The following PCED1B variants were observed in gnomAD, a reference collection of about 807,000 sequenced individuals.
The protein encoded by PCED1B is PC-esterase domain containing 1B.
For missense variants in PCED1B, 573 were observed against 573.9 expected (o/e 1.00, Z 0.02); for synonymous variants, 251 against 246.1 (o/e 1.02, Z -0.19).
At chr12:47,160,025 T>G (rs1941317644) in intron 2 of PCED1B, among the ~76,000 whole-genome samples, 1 of 152,164 alleles carries the variant, frequency 6.6e-6, no homozygotes, top group Non-Finnish European at 1.5e-5. Flanking sequence ...TTTTGGCACC[T>G]TTGTCAAAAA....
At chr12:47,108,863 T>C (rs1939072571) in intron 2 of PCED1B, among the ~76,000 whole-genome samples, 3 of 152,210 alleles carry the variant, frequency 2.0e-5, no homozygotes, top group East Asian at 1.9e-4. Context: ...GTCTGGGCAA[T>C]ATAGTGAGAC....
intron 2 of PCED1B, among the ~76,000 whole-genome samples, chr12:47,150,564 T>G (rs1940952583): frequency 6.7e-6 from 1 of 148,352 alleles, no homozygotes; most frequent in African/African-American, 2.5e-5. Flanking sequence ...GGCAACAGAG[T>G]GAGACTCCAT....
intron 1 of PCED1B, among the ~76,000 whole-genome samples, chr12:47,096,146 C>T (rs755962399): frequency 6.6e-6 from 1 of 152,090 alleles, no homozygotes; most frequent in Non-Finnish European, 1.5e-5. Context: ...TACGTCTGTG[C>T]TTCAGTGTTC....
chr12:47,135,155 T>C (rs1318251559), intron 2 of PCED1B, among the ~76,000 whole-genome samples: 1 of 152,240 alleles, frequency 6.6e-6, no homozygotes, highest in East Asian at 1.9e-4. Context: ...TTGGTGTCCA[T>C]GTCCATAGAT....
chr12:47,183,188 C>T (rs567530725), intron 2 of PCED1B, among the ~76,000 whole-genome samples: 1 of 152,266 alleles, frequency 6.6e-6, no homozygotes, highest in South Asian at 2.1e-4. Flanking sequence ...TAGAGTGCTA[C>T]AATTCAGGTA....
At chr12:47,086,470 T>C (rs1033612679) in intron 1 of PCED1B, among the ~76,000 whole-genome samples, 9 of 151,916 alleles carry the variant, frequency 5.9e-5, no homozygotes, top group Admixed American at 2.6e-4. Context: ...AATAAATCCA[T>C]TGAAGTGAGG....
At chr12:47,096,601 T>C (rs1200626115) in intron 1 of PCED1B, among the ~76,000 whole-genome samples, 1 of 152,190 alleles carries the variant, frequency 6.6e-6, no homozygotes, top group African/African-American at 2.4e-5. Context: ...ATACCTTTCA[T>C]AAACATAATC....
intron 2 of PCED1B, among the ~76,000 whole-genome samples, chr12:47,181,081 C>T (rs907130968): frequency 2.0e-5 from 3 of 151,816 alleles, no homozygotes; most frequent in Admixed American, 6.6e-5. Flanking sequence ...ACCTCCCGGA[C>T]TCAGGTGATC....
chr12:47,185,396 C>A (rs1942222693), intron 2 of PCED1B, among the ~76,000 whole-genome samples: 1 of 152,172 alleles, frequency 6.6e-6, no homozygotes, highest in Non-Finnish European at 1.5e-5. Context: ...AGTATTGAAG[C>A]TGCAAGCCGA....
chr12:47,156,150 CT>C (rs1941185350), intron 2 of PCED1B, among the ~76,000 whole-genome samples: 1 of 152,136 alleles, frequency 6.6e-6, no homozygotes, highest in Non-Finnish European at 1.5e-5. Context: ...TATACTTTTT[CT>C]TTTTCCTTTT....
chr12:47,212,562 C>T (rs569476156), intron 2 of PCED1B, among the ~76,000 whole-genome samples: 2 of 152,270 alleles, frequency 1.3e-5, no homozygotes, highest in Admixed American at 6.5e-5. Flanking sequence ...CTTGACCTAA[C>T]GATGATTTCT....
chr12:47,140,215 T>C (rs1434014684), intron 2 of PCED1B, among the ~76,000 whole-genome samples: 1 of 152,216 alleles, frequency 6.6e-6, no homozygotes, highest in African/African-American at 2.4e-5. Flanking sequence ...AAAAAGAACA[T>C]TGTTTTGCTT....
chr12:47,141,147 T>A (rs1247922288), intron 2 of PCED1B, among the ~76,000 whole-genome samples: 2 of 152,156 alleles, frequency 1.3e-5, no homozygotes, highest in African/African-American at 4.8e-5. Flanking sequence ...GTCCGCTTAA[T>A]TTGCTCCTCA....
chr12:47,235,151 T>C lies in PCED1B; in HGVS notation c.88T>C (p.Tyr30His). ...ILGDSVHRAV[Y>H]KDLVLLLQKD... Reference sequence around the variant, plus strand: ...GGGGGACTCTGTGCATAGGGCAGTATACAAGGACCTGGTGCTTCTGCTGCA... The same window carrying C: ...GGGGGACTCTGTGCATAGGGCAGTACACAAGGACCTGGTGCTTCTGCTGCA... Residue 30 changes from tyrosine to histidine, a missense_variant, in exon 4 of 4, where the codon TAC (tyrosine) becomes CAC (histidine). Physicochemically the swap from Tyr to His is moderately conservative, Grantham distance 83. Transcript: ENST00000546455. 1 of 1,578,004 alleles carries C rather than the reference T, an allele frequency of 6.3e-7. No individual in the cohort carries two copies. Among genetic ancestry groups the C allele is most frequent in the Non-Finnish European group, 8.6e-7 (1 of 1,161,526 alleles).
chr12:47,235,825 G>A lies in PCED1B; in HGVS notation c.762G>A (p.Val254=), dbSNP rs781289022. Residue 254 remains valine (V), a synonymous_variant, in exon 4 of 4, where the codon GTG becomes GTA. Coordinates refer to ENST00000546455, the MANE Select transcript of PCED1B (RefSeq NM_138371.3). ...CCCACGTGGCCGACGCCTGGGGTGT[G>A]GAGCTGCCCCACCGCCACCCCGTGG... ...LLAHVADAWG[V]ELPHRHPVGE... is the part of the protein sequence containing the mutation. 3.7e-5 allele frequency: 58 copies of A among 1,575,420 alleles called. No individual in the cohort carries two copies. Among genetic ancestry groups the A allele is most frequent in the Non-Finnish European group, 4.8e-5 (56 of 1,160,734 alleles).
intron 2 of PCED1B, among the ~76,000 whole-genome samples, chr12:47,145,687 A>G (rs1940758428): frequency 6.6e-6 from 1 of 152,242 alleles, no homozygotes; most frequent in Admixed American, 6.5e-5. Context: ...CAACATATCT[A>G]TTTACAACAA....
chr12:47,116,588 G>A (rs1939431402), intron 2 of PCED1B, among the ~76,000 whole-genome samples: 2 of 152,206 alleles, frequency 1.3e-5, no homozygotes, highest in South Asian at 4.2e-4. Context: ...TTCATTACTA[G>A]TATAGTATAA....
At chr12:47,183,996 T>C (rs1014140836) in intron 2 of PCED1B, among the ~76,000 whole-genome samples, 1 of 152,202 alleles carries the variant, frequency 6.6e-6, no homozygotes, top group African/African-American at 2.4e-5. Flanking sequence ...AATAGACCAT[T>C]AGGTACTTAA....
At chr12:47,230,312 G>A (rs570863683) in intron 3 of PCED1B, among the ~76,000 whole-genome samples, 6 of 151,444 alleles carry the variant, frequency 4.0e-5, no homozygotes, top group Non-Finnish European at 5.9e-5. Context: ...TCTCCATCTC[G>A]TGACCTCGTG....
Sources: allele counts gnomAD v4.1 joint callset (sites outside exome capture counted in the v4.1 genomes callset), GRCh38; gene constraint gnomAD v4.1.1; transcripts MANE v1.5; gene names NCBI Gene and HGNC (gene_info 2026-07-23, HGNC 2026-07-21).